Variants in ZNRF1 observed in about 807,000 individuals in gnomAD.
ZNRF1 encodes zinc and ring finger 1, also known as E3 ubiquitin-protein ligase ZNRF1.
Under a neutral mutation model 18.4 loss-of-function variants are expected in ZNRF1, and 3 were observed. The observed-to-expected ratio is 0.16, with a 90% CI of 0.07 to 0.42. ZNRF1 has a LOEUF of 0.42. Ranked by LOEUF, ZNRF1 falls within the 10% of genes least tolerant of loss-of-function variation. The pLI is 0.99. For synonymous variants in ZNRF1, 157 were observed against 144.2 expected (o/e 1.09, Z -0.64); for missense variants, 310 against 329.8 (o/e 0.94, Z 0.47).
intron 2 of ZNRF1, chr16:75,104,001 G>GT (rs1453743957): frequency 6.6e-6 from 1 of 151,526 alleles, no homozygotes; most frequent in Non-Finnish European, 1.5e-5. Context: ...AAGCGGGGTG[G>GT]TGGGGGGGGA....
At chr16:75,056,585 T>C (rs1477191002) in intron 1 of ZNRF1, among the ~76,000 whole-genome samples, 1 of 152,144 alleles carries the variant, frequency 6.6e-6, no homozygotes, top group East Asian at 1.9e-4. Flanking sequence ...TGTGAGAGGA[T>C]AGATCATTTT....
At chr16:75,067,922 A>C (rs1236896271) in intron 1 of ZNRF1, among the ~76,000 whole-genome samples, 1 of 152,176 alleles carries the variant, frequency 6.6e-6, no homozygotes, top group Non-Finnish European at 1.5e-5. Context: ...CTTAACCCAC[A>C]TGGCAGCAAA....
chr16:75,038,522 G>C (rs1162418948), intron 1 of ZNRF1, among the ~76,000 whole-genome samples: 3 of 152,192 alleles, frequency 2.0e-5, no homozygotes, highest in Non-Finnish European at 4.4e-5. Context: ...CAAGAATTTG[G>C]TTTGGCATTG....
chr16:75,009,027 A>G (rs926500472), intron 1 of ZNRF1, among the ~76,000 whole-genome samples: 4 of 152,156 alleles, frequency 2.6e-5, no homozygotes, highest in African/African-American at 9.7e-5. Flanking sequence ...CAGACTCTTC[A>G]TGTGCATCTT....
intron 1 of ZNRF1, among the ~76,000 whole-genome samples, chr16:75,032,217 G>A (rs118163469): frequency 3.2e-3 from 466 of 144,848 alleles, no homozygotes; most frequent in Admixed American, 6.6e-3. Flanking sequence ...TCAAGCAATT[G>A]TCTCGCCTTA....
At position 75,108,830 on chromosome 16, in the gene ZNRF1, AG is replaced by A. The variant is rs2036347077; in HGVS notation, c.*1132del. On this transcript the variant is annotated 3_prime_UTR_variant, in exon 5 of 5. Coordinates refer to ENST00000335325, the MANE Select transcript of ZNRF1 (RefSeq NM_032268.5). ...CCTTCAGGCTGCTACTCGGGGCTCC[AG>A]GTGTGTGAATTGGTCCTCAGATAGT... 3 of 336,390 alleles carry A rather than the reference AG, an allele frequency of 8.9e-6. No homozygotes were observed. The East Asian group carries it at 1.3e-4, about 15-fold the overall frequency. The allele number at this position is 336,390 out of a possible 1,614,324, so 20.8% of individuals were successfully genotyped here. A position where few individuals can be genotyped will look rare whatever the true frequency, so the allele number is the denominator to read the frequency against.
intron 2 of ZNRF1, among the ~76,000 whole-genome samples, chr16:75,099,589 G>A (rs1214619794): frequency 6.6e-6 from 1 of 152,234 alleles, no homozygotes; most frequent in African/African-American, 2.4e-5. Context: ...AAACTTGGGA[G>A]GTGCTTCAGA....
At chr16:75,105,685 TG>T (rs1213576660) in intron 3 of ZNRF1, 1 of 152,278 alleles carries the variant, frequency 6.6e-6, no homozygotes, top group African/African-American at 2.4e-5. Flanking sequence ...GAGCCTTGCT[TG>T]TGTCCCAGGG....
At position 75,109,012 on chromosome 16, in the gene ZNRF1, C is replaced by A. The variant is rs2036349447; in HGVS notation, c.*1312C>A. ...AAGATGTTGCAGCCACCGGAGGCTG[C>A]AAGGATGTGGGTTCTTCCAGGTGTG... is the stretch of plus-strand genomic sequence containing the variant. On this transcript the variant is annotated 3_prime_UTR_variant, in exon 5 of 5. Transcript: ENST00000335325. 1 of 155,198 alleles carries A rather than the reference C, an allele frequency of 6.4e-6. No homozygotes were observed. Among genetic ancestry groups the A allele is most frequent in the Non-Finnish European group, 1.4e-5 (1 of 70,138 alleles). The allele number at this position is 155,198 out of a possible 1,614,324, so 9.6% of individuals were successfully genotyped here.
At chr16:75,014,044 C>G (rs997656241) in intron 1 of ZNRF1, among the ~76,000 whole-genome samples, 2 of 151,698 alleles carry the variant, frequency 1.3e-5, no homozygotes, top group Non-Finnish European at 1.5e-5. Context: ...TTGGCCAGGC[C>G]GGTCTTGAAC....
At chr16:75,104,462 A>T (rs1024924783) in intron 2 of ZNRF1, 3 of 226,486 alleles carry the variant, frequency 1.3e-5, no homozygotes, top group African/African-American at 2.3e-5. Context: ...CTGTGGAGGG[A>T]AACAGCTTGC....
intron 1 of ZNRF1, among the ~76,000 whole-genome samples, chr16:75,053,121 A>G (rs1281061987): frequency 6.6e-6 from 1 of 152,186 alleles, no homozygotes; most frequent in Admixed American, 6.5e-5. Flanking sequence ...TAGATCGCAG[A>G]GGAAATCTAG....
chr16:75,102,251 A>C (rs1190889330), intron 2 of ZNRF1, among the ~76,000 whole-genome samples: 1 of 152,174 alleles, frequency 6.6e-6, no homozygotes, highest in Non-Finnish European at 1.5e-5. Context: ...AGAAACAGCA[A>C]TGGGAAGGCC....
intron 2 of ZNRF1, chr16:75,095,789 G>C: frequency 6.8e-7 from 1 of 1,469,944 alleles, no homozygotes; most frequent in Non-Finnish European, 9.1e-7. Flanking sequence ...AACTGCCTGG[G>C]ACGCCACCAT....
chr16:75,067,373 G>A (rs928081777), intron 1 of ZNRF1, among the ~76,000 whole-genome samples: 3 of 152,154 alleles, frequency 2.0e-5, no homozygotes, highest in Non-Finnish European at 2.9e-5. Flanking sequence ...ATAGAGGAGT[G>A]TTAATATCAC....
rs781726838 is a variant in ZNRF1 at position 75,095,341 on chromosome 16, C to T, written c.520+1674C>T. The stretch of plus-strand genomic sequence containing the variant: ...GCTGCCAGTTCTCTAAGTCTGTTGT[C>T]ACATGTGCTGCAGGCTTCGCGTCAG... On this transcript the variant is annotated intron_variant, in intron 2 of 4. Coordinates refer to ENST00000335325, the MANE Select transcript of ZNRF1 (RefSeq NM_032268.5). Among the ~76,000 whole-genome samples, 29 of 152,090 alleles carry T rather than the reference C, an allele frequency of 1.9e-4. 1 individual carries two copies. Among genetic ancestry groups the T allele is most frequent in the Non-Finnish European group, 8.8e-5 (6 of 68,026 alleles).
chr16:75,073,334 C>T (rs148503803), intron 1 of ZNRF1, among the ~76,000 whole-genome samples: 11 of 151,978 alleles, frequency 7.2e-5, no homozygotes, highest in African/African-American at 2.2e-4. Context: ...GACCTCCCTC[C>T]AGTGCATGGT....
intron 1 of ZNRF1, among the ~76,000 whole-genome samples, chr16:75,021,213 G>C (rs1256511353): frequency 6.6e-6 from 1 of 151,996 alleles, no homozygotes; most frequent in African/African-American, 2.4e-5. Flanking sequence ...GCTAATTTCT[G>C]TGTTTTTAGT....
chr16:75,076,728 A>G (rs919370783), intron 1 of ZNRF1, among the ~76,000 whole-genome samples: 2 of 150,606 alleles, frequency 1.3e-5, no homozygotes, highest in Non-Finnish European at 3.0e-5. Context: ...TTGAAGCCTA[A>G]TCCCTAATGT....
Sources: gnomAD v4.1 joint callset for allele counts (sites outside exome capture counted in the v4.1 genomes callset) on GRCh38, gnomAD v4.1.1 for gene constraint, MANE v1.5 for transcripts, NCBI Gene and HGNC (gene_info 2026-07-23, HGNC 2026-07-21) for gene names.